SYCE3: variants seen among roughly 807,000 people sequenced by gnomAD.
SYCE3 encodes the protein synaptonemal complex central element protein 3, also known as testis highly expressed gene 2 protein.
Under a neutral mutation model 8.1 loss-of-function variants are expected in SYCE3, and 3 were observed. That is an observed-to-expected ratio of 0.37 (90% CI 0.17 to 0.96). The LOEUF (loss-of-function observed/expected upper bound fraction) is 0.96, where lower values mean the gene tolerates loss of function less well. SYCE3 is among the 40% of genes least tolerant of loss of function. SYCE3 has a pLI of 0.41. For missense variants in SYCE3, 83 were observed against 110.0 expected, an observed-to-expected ratio of 0.75 and a Z score of 1.10; for synonymous variants, 36 against 38.7, an observed-to-expected ratio of 0.93 and a Z score of 0.26.
At chr22:50,556,496 A>T in intron 1 of SYCE3, 91 bp from the exon 2 acceptor site, 1 of 906,212 alleles carries the variant, frequency 1.1e-6, no homozygotes, top group Non-Finnish European at 1.7e-6. Context: ...TCTCTAAGGA[A>T]TTCTTTCCCC....
chr22:50,561,192 C>A (rs552098205), intron 1 of SYCE3, among the ~76,000 whole-genome samples: 1 of 152,130 alleles, frequency 6.6e-6, no homozygotes, highest in South Asian at 2.1e-4. Context: ...TGGGGTGAAG[C>A]AGAGGCATAG....
At chr22:50,555,191 CCT>C (rs1328630473) in intron 2 of SYCE3, among the ~76,000 whole-genome samples, 1 of 151,566 alleles carries the variant, frequency 6.6e-6, no homozygotes, top group Non-Finnish European at 1.5e-5. Flanking sequence ...ATTAGGACCC[CCT>C]GAGGCTGTGT....
At chr22:50,555,015 G>A (rs957753066) in intron 2 of SYCE3, among the ~76,000 whole-genome samples, 2 of 151,182 alleles carry the variant, frequency 1.3e-5, no homozygotes, top group African/African-American at 4.9e-5. Context: ...CCAGCTACTC[G>A]GGAGGCTGAG....
intron 2 of SYCE3, among the ~76,000 whole-genome samples, chr22:50,552,796 G>T (rs146331630): frequency 6.6e-6 from 1 of 152,236 alleles, no homozygotes; most frequent in Non-Finnish European, 1.5e-5. Flanking sequence ...GAGATGATTA[G>T]GTCCTAAGGG....
chr22:50,553,741 C>T (rs2069832111), intron 2 of SYCE3, among the ~76,000 whole-genome samples: 2 of 152,130 alleles, frequency 1.3e-5, no homozygotes, highest in Non-Finnish European at 2.9e-5. Flanking sequence ...CACCAACACG[C>T]CCAGCTAATT....
At chr22:50,552,081 T>C (rs1407338481) in intron 2 of SYCE3, among the ~76,000 whole-genome samples, 2 of 152,192 alleles carry the variant, frequency 1.3e-5, no homozygotes, top group African/African-American at 4.8e-5. Flanking sequence ...CACCTCCAAC[T>C]TTTTCTCTGC....
intron 2 of SYCE3, among the ~76,000 whole-genome samples, chr22:50,553,132 G>A (rs1003989219): frequency 6.6e-6 from 1 of 152,132 alleles, no homozygotes; most frequent in Non-Finnish European, 1.5e-5. Context: ...AGCCTGGGAG[G>A]TGGAGGTTGC....
chr22:50,551,722 C>T (rs1448805689), intron 2 of SYCE3, among the ~76,000 whole-genome samples: 5 of 152,220 alleles, frequency 3.3e-5, no homozygotes, highest in Non-Finnish European at 7.3e-5. Flanking sequence ...TCCTTACCTA[C>T]AAGCAGTTCA....
chr22:50,556,572 T>C (rs762982503), intron 1 of SYCE3, 167 bp from the exon 2 acceptor site: 1 of 555,124 alleles, frequency 1.8e-6, no homozygotes, highest in Non-Finnish European at 3.2e-6. Context: ...TGGGAACATG[T>C]CTAAAGGCCC....
At position 50,551,343 on chromosome 22, in the gene SYCE3, C is replaced by T. The variant is rs146628983; in HGVS notation, c.169G>A (p.Glu57Lys). The change falls in exon 3 of 3, where the codon GAG becomes AAG. Residue 57 changes from glutamate to lysine, a missense_variant. Transcript: ENST00000406915. ...VVMRTNPTLA[E>K]SMRRLEDAFV... is the part of the protein sequence containing the mutation. ...GCATCCTCCAGCCGACGCATGGACT[C>T]GGCCAGCGTAGGGTTGGTGCGCATC... is the stretch of plus-strand genomic sequence containing the variant. The T allele has an allele frequency of 1.2e-5, 19 of 1,551,222 alleles. No individual in the cohort carries two copies. The Middle Eastern group carries it at 5.0e-4, about 41-fold the overall frequency.
At chr22:50,559,789 A>G (rs1458308210) in intron 1 of SYCE3, among the ~76,000 whole-genome samples, 1 of 152,150 alleles carries the variant, frequency 6.6e-6, no homozygotes, top group Non-Finnish European at 1.5e-5. Context: ...TTAGCTGGGC[A>G]TGGTGACGGG....
At position 50,551,249 on chromosome 22, in the gene SYCE3, A is replaced by G. The variant is rs6009989; in HGVS notation, c.263T>C (p.Leu88Pro). ...GCTGTGGTGGGCCAGTGGGGCCTAC[A>G]GCCTTTGCTTGGTCTCATGCAGCAG... is the stretch of plus-strand genomic sequence containing the variant. ...QELLHETKQR[L>P] The change falls in exon 3 of 3, where the codon CTG becomes CCG. Residue 88 changes from leucine to proline, a missense_variant. Leu to Pro is a moderately conservative substitution (Grantham distance 98, BLOSUM62 -3). Transcript: ENST00000406915. 0.039 allele frequency: 60,978 copies of G among 1,551,174 alleles called. 2,803 individuals carry two copies. Among genetic ancestry groups the G allele is most frequent in the African/African-American group, 0.23 (16,873 of 73,122 alleles).
At chr22:50,562,697 G>GT (rs2069941773) in intron 1 of SYCE3, among the ~76,000 whole-genome samples, 161 bp downstream of exon 1, 1 of 148,710 alleles carries the variant, frequency 6.7e-6, no homozygotes, top group African/African-American at 2.5e-5. Context: ...GGAGGGGCAT[G>GT]GGGTGTGGAG....
intron 2 of SYCE3, among the ~76,000 whole-genome samples, chr22:50,554,195 A>AGAC (rs60273671): frequency 9.9e-6 from 1 of 101,044 alleles, no homozygotes; most frequent in Non-Finnish European, 1.8e-5. Flanking sequence ...ACTCTGTCTC[A>AGAC]AAAAAAAAAA....
Position 50,554,181 on chromosome 22 carries a change from C to T in SYCE3, c.109+2116G>A, listed in dbSNP as rs12628746. Reference sequence around the variant, plus strand: ...CTGCACTCCAGCCTGGGCAACAGAGCGCGACTCTGTCTCAAAAAAAAAAAA... The same window carrying T: ...CTGCACTCCAGCCTGGGCAACAGAGTGCGACTCTGTCTCAAAAAAAAAAAA... On this transcript the variant is annotated intron_variant, in intron 2 of 2. Transcript: ENST00000406915. 9.0e-5 allele frequency among the ~76,000 whole-genome samples: 13 copies of T among 144,050 alleles called. No homozygotes were observed. The East Asian group carries it at 2.0e-3, about 23-fold the overall frequency. 94.5% of individuals were successfully genotyped at this position (144,050 alleles called of 152,430 possible).
At chr22:50,553,548 C>T (rs894383642) in intron 2 of SYCE3, among the ~76,000 whole-genome samples, 3 of 152,078 alleles carry the variant, frequency 2.0e-5, no homozygotes, top group African/African-American at 4.8e-5. Flanking sequence ...TGCAAATGCC[C>T]TGCTGCTAAA....
chr22:50,556,934 C>T (rs779365962), intron 1 of SYCE3, among the ~76,000 whole-genome samples: 14 of 151,986 alleles, frequency 9.2e-5, no homozygotes, highest in Non-Finnish European at 2.1e-4. Flanking sequence ...GAGGCGGGTA[C>T]GTTTAATTTT....
intron 2 of SYCE3, among the ~76,000 whole-genome samples, chr22:50,553,358 G>A (rs76081526): frequency 0.1 from 15,294 of 151,978 alleles, 970 homozygotes; most frequent in Middle Eastern, 0.2. Flanking sequence ...CATATTTTTC[G>A]TTGGTGCCCT....
intron 1 of SYCE3, among the ~76,000 whole-genome samples, chr22:50,559,812 C>CA: frequency 6.6e-6 from 1 of 152,276 alleles, no homozygotes; most frequent in East Asian, 1.9e-4. Flanking sequence ...CCTGTAGTCC[C>CA]AGCTACTCAG....
Sources: gnomAD v4.1 joint callset for allele counts (sites outside exome capture counted in the v4.1 genomes callset) on GRCh38, gnomAD v4.1.1 for gene constraint, MANE v1.5 for transcripts, NCBI Gene and HGNC (gene_info 2026-07-23, HGNC 2026-07-21) for gene names.